Variants in EFCAB11 observed in about 807,000 individuals in gnomAD.
The protein encoded by EFCAB11 is EF-hand calcium binding domain 11.
In EFCAB11, 14 loss-of-function variants were observed where a neutral mutation model predicts 23.0. The observed-to-expected ratio is 0.61, with a 90% confidence interval of 0.40 to 0.95. EFCAB11 has a LOEUF of 0.95. EFCAB11 is among the 40% of genes least tolerant of loss of function. EFCAB11 has a pLI of 0.00. For synonymous variants in EFCAB11, 65 were observed against 66.6 expected (o/e 0.98, Z 0.11); for missense variants, 198 against 195.8 (o/e 1.01, Z -0.07).
chr14:89,954,560 G>T (rs555583326), intron 1 of EFCAB11, 26 bp downstream of exon 1: 3 of 1,611,878 alleles, frequency 1.9e-6, no homozygotes, highest in South Asian at 1.1e-5. Context: ...TGAAGTCCGA[G>T]GCTCAGTCGC....
chr14:89,887,698 G>T (rs1888836676), intron 5 of EFCAB11, among the ~76,000 whole-genome samples: 2 of 152,086 alleles, frequency 1.3e-5, no homozygotes, highest in African/African-American at 4.8e-5. Flanking sequence ...ATTTAGAAAA[G>T]ACAACAGACT....
At position 89,832,267 on chromosome 14, in the gene EFCAB11, T is replaced by C. The variant is rs1886911627; in HGVS notation, c.411-34943A>G. ...GGCAGAGGTTGCAGTGAGCCGAGAC[T>C]GCACCACTGCACTCCAGCACTCCAG... On this transcript the variant is annotated intron_variant, in intron 5 of 5. Coordinates refer to ENST00000316738, the MANE Select transcript of EFCAB11 (RefSeq NM_145231.4). Among the ~76,000 whole-genome samples the C allele has an allele frequency of 3.3e-5, 5 of 152,032 alleles. No homozygotes were observed. The South Asian group carries it at 1.0e-3, about 31-fold the overall frequency.
chr14:89,898,132 CA>C (rs1596440973), intron 5 of EFCAB11, among the ~76,000 whole-genome samples: 1 of 152,114 alleles, frequency 6.6e-6, no homozygotes, highest in African/African-American at 2.4e-5. Context: ...CACACTGTGC[CA>C]GGGGCCAAGA....
intron 5 of EFCAB11, among the ~76,000 whole-genome samples, chr14:89,867,847 C>T (rs1451236960): frequency 1.3e-5 from 2 of 152,130 alleles, no homozygotes; most frequent in African/African-American, 4.8e-5. Flanking sequence ...CACTGGGAAC[C>T]CCTGTGGCAG....
intron 5 of EFCAB11, among the ~76,000 whole-genome samples, chr14:89,919,185 T>TGAGAGAGAGAGAGAGAGACAGA (rs1220282946): frequency 7.2e-6 from 1 of 138,264 alleles, no homozygotes; most frequent in South Asian, 2.3e-4. Flanking sequence ...TCACACTTGA[T>TGAGAGAGAGAGAGAGAGACAGA]GAGAGAGAGA....
rs141517863 is a variant in EFCAB11 at position 89,815,099 on chromosome 14, G to A, written c.411-17775C>T. The stretch of plus-strand genomic sequence containing the variant: ...GTTAGCTTAAACTTTTCACAGTCAC[G>A]CAGAATTAGGGGCTGAATAAGACGT... On this transcript the variant is annotated intron_variant, in intron 5 of 5. Coordinates refer to ENST00000316738, the MANE Select transcript of EFCAB11 (RefSeq NM_145231.4). 2.5e-3 allele frequency among the ~76,000 whole-genome samples: 383 copies of A among 152,228 alleles called. 2 individuals carry two copies. In the East Asian group the frequency reaches 0.037, roughly 15 times the overall value.
intron 5 of EFCAB11, among the ~76,000 whole-genome samples, chr14:89,855,033 T>C (rs977274296): frequency 2.6e-5 from 4 of 152,102 alleles, no homozygotes; most frequent in African/African-American, 7.2e-5. Flanking sequence ...TCAGAATCCC[T>C]GGAAAAATGG....
At chr14:89,908,172 A>G (rs1889555877) in intron 5 of EFCAB11, among the ~76,000 whole-genome samples, 1 of 152,188 alleles carries the variant, frequency 6.6e-6, no homozygotes, top group African/African-American at 2.4e-5. Context: ...AAAACCTTTT[A>G]TGTTCTCCCA....
chr14:89,800,023 T>G (rs146641939), intron 5 of EFCAB11, among the ~76,000 whole-genome samples: 1 of 151,880 alleles, frequency 6.6e-6, no homozygotes, highest in Non-Finnish European at 1.5e-5. Context: ...CAATCTCTAC[T>G]AAAAATACAA....
intron 5 of EFCAB11, among the ~76,000 whole-genome samples, chr14:89,842,617 GATA>G: frequency 6.6e-6 from 1 of 151,014 alleles, no homozygotes; most frequent in Non-Finnish European, 1.5e-5. Flanking sequence ...GATATGATAT[GATA>G]TGATATGATA....
rs1439990002 is a variant in EFCAB11, at chr14:89,802,242, G to T, written c.411-4918C>A. The stretch of plus-strand genomic sequence containing the variant: ...AAAAAAAAGAAAGAAAAAGGAAATG[G>T]TTTAAATTTTACTACATTGAAACGA... On this transcript the variant is annotated intron_variant, in intron 5 of 5. Transcript: ENST00000316738. Among the ~76,000 whole-genome samples, 3 of 151,096 alleles carry T rather than the reference G, an allele frequency of 2.0e-5. No individual in the cohort carries two copies. In the South Asian group the frequency reaches 6.3e-4, roughly 32 times the overall value.
intron 5 of EFCAB11, chr14:89,923,857 G>A (rs1252253564): frequency 1.2e-5 from 12 of 985,250 alleles, no homozygotes; most frequent in Non-Finnish European, 1.4e-5. Context: ...AGGAATTATG[G>A]GAAGCTAAAA....
At chr14:89,918,999 G>A (rs1889937498) in intron 5 of EFCAB11, among the ~76,000 whole-genome samples, 1 of 151,206 alleles carries the variant, frequency 6.6e-6, no homozygotes, top group African/African-American at 2.4e-5. Context: ...CAGGACCAGG[G>A]TGGGGGAACT....
chr14:89,843,827 C>T (rs1238489199), intron 5 of EFCAB11, among the ~76,000 whole-genome samples: 1 of 152,112 alleles, frequency 6.6e-6, no homozygotes, highest in African/African-American at 2.4e-5. Context: ...CTATAAAAAC[C>T]ATATTTAATA....
intron 3 of EFCAB11, among the ~76,000 whole-genome samples, chr14:89,945,209 T>C (rs1319540367): frequency 6.6e-6 from 1 of 152,086 alleles, no homozygotes; most frequent in Admixed American, 6.5e-5. Context: ...CTTTTCAATT[T>C]CAACAATTTC....
At chr14:89,847,352 C>T (rs1887460418) in intron 5 of EFCAB11, among the ~76,000 whole-genome samples, 1 of 152,112 alleles carries the variant, frequency 6.6e-6, no homozygotes. Flanking sequence ...CTCATTCAAA[C>T]CTAAGACTTG....
intron 5 of EFCAB11, among the ~76,000 whole-genome samples, chr14:89,898,739 G>A (rs1326042619): frequency 1.4e-5 from 2 of 145,030 alleles, no homozygotes; most frequent in Non-Finnish European, 3.0e-5. Flanking sequence ...TGGTACAATC[G>A]TAGCTCACTG....
intron 3 of EFCAB11, among the ~76,000 whole-genome samples, chr14:89,942,313 CATG>C (rs1259727751): frequency 2.0e-5 from 3 of 152,146 alleles, no homozygotes; most frequent in South Asian, 2.1e-4. Context: ...CACAGATCTG[CATG>C]ATAACTGTTC....
chr14:89,803,016 G>A (rs1478007871), intron 5 of EFCAB11, among the ~76,000 whole-genome samples: 1 of 152,108 alleles, frequency 6.6e-6, no homozygotes, highest in Non-Finnish European at 1.5e-5. Context: ...ATTGCAGGAC[G>A]TTTGGCAGCA....
Sources: gnomAD v4.1 joint callset for allele counts (sites outside exome capture counted in the v4.1 genomes callset) on GRCh38, gnomAD v4.1.1 for gene constraint, MANE v1.5 for transcripts, NCBI Gene and HGNC (gene_info 2026-07-23, HGNC 2026-07-21) for gene names.